Variants in EIF2D observed in about 807,000 individuals in gnomAD.
EIF2D encodes hepatocellular carcinoma-associated antigen 56.
In EIF2D, 56 loss-of-function variants were observed where a neutral mutation model predicts 77.4. The ratio of observed to expected loss-of-function variants is 0.72; its 90% CI spans 0.58 to 0.90. The LOEUF is 0.90. Among genes scored for constraint, EIF2D ranks in the 40% least tolerant of loss-of-function variants. EIF2D has a pLI of 0.00. For synonymous variants in EIF2D, 230 were observed against 271.0 expected, an observed-to-expected ratio of 0.85 and a Z score of 1.49; for missense variants, 574 against 706.5, an observed-to-expected ratio of 0.81 and a Z score of 2.13.
In EIF2D at chr1:206,583,429, G is replaced by A. The variant is rs369160290; in HGVS notation, c.139-2267C>T. ...TGGCCCCTGCTCCACCACCCGCTTCGGGTTTGGCGCCTCTGCCCTCACTCT... is the reference window on the plus strand; with the variant it reads ...TGGCCCCTGCTCCACCACCCGCTTCAGGTTTGGCGCCTCTGCCCTCACTCT... On this transcript the variant is annotated intron_variant and NMD_transcript_variant, in intron 2 of 5. Transcript: ENST00000472709. 2.8e-4 allele frequency: 360 copies of A among 1,294,942 alleles called. 1 individual carries two copies. Among genetic ancestry groups the A allele is most frequent in the Non-Finnish European group, 3.5e-4 (308 of 891,104 alleles). 80.2% of individuals were successfully genotyped at this position (1,294,942 alleles called of 1,614,324 possible). A position where few individuals can be genotyped will look rare whatever the true frequency, so the allele number is the denominator to read the frequency against.
chr1:206,611,674 C>G (rs1349176745), intron 1 of EIF2D, among the ~76,000 whole-genome samples: 1 of 152,250 alleles, frequency 6.6e-6, no homozygotes, highest in African/African-American at 2.4e-5. Flanking sequence ...GACTTCATGC[C>G]TAGCCCTTGG....
rs782361647 is a variant in EIF2D, at chr1:206,605,519, G to A, written c.423-12C>T. The A allele has an allele frequency of 6.2e-7, 1 of 1,609,688 alleles. No individual in the cohort carries two copies. The highest frequency in any genetic ancestry group is 8.5e-7 in the Non-Finnish European group (1 of 1,176,382). ...TGGCTACAGGGGCTCTAAGAAGAAG[G>A]AAGCCAGAGACCAGGGTCATGGAAA... On this transcript the variant is annotated splice_polypyrimidine_tract_variant and intron_variant, in intron 4 of 14. Coordinates refer to ENST00000271764, the MANE Select transcript of EIF2D (RefSeq NM_006893.3).
intron 14 of EIF2D, among the ~76,000 whole-genome samples, chr1:206,593,090 G>A (rs564113962): frequency 3.4e-5 from 5 of 147,322 alleles, no homozygotes; most frequent in Non-Finnish European, 7.4e-5. Context: ...CAGCCTGGGT[G>A]ACAGAGCGAG....
chr1:206,576,600 C>T (rs1668667277), intron 4 of EIF2D, among the ~76,000 whole-genome samples: 1 of 152,184 alleles, frequency 6.6e-6, no homozygotes, highest in South Asian at 2.1e-4. Flanking sequence ...ACTGTGATTA[C>T]CTTTCTCCAT....
At chr1:206,570,570 C>G (rs993660960), downstream of EIF2D, among the ~76,000 whole-genome samples, 10 of 114,732 alleles carry the variant, frequency 8.7e-5, no homozygotes, top group Non-Finnish European at 1.5e-4. Context: ...CCCCTCCCCC[C>G]ACCCCTGGCA....
At chr1:206,581,672 G>GGAAAGAAA (rs139599723) in intron 2 of EIF2D, among the ~76,000 whole-genome samples, 7,607 of 151,366 alleles carry the variant, frequency 0.05, 688 homozygotes, top group African/African-American at 0.18. Context: ...AAGGAAGGAA[G>GGAAAGAAA]GAAAGAAAGA....
chr1:206,602,743 A>G (rs6658181), intron 6 of EIF2D: 343,209 of 757,954 alleles, frequency 0.45, 78,804 homozygotes, highest in African/African-American at 0.55. Context: ...ATGCCAGGGC[A>G]GATTAGCTCC....
intron 4 of EIF2D, among the ~76,000 whole-genome samples, chr1:206,575,775 A>G (rs1167323819): frequency 1.3e-5 from 2 of 152,230 alleles, no homozygotes; most frequent in African/African-American, 4.8e-5. Flanking sequence ...TGAGAGGGGA[A>G]GTAGCTCCCC....
chr1:206,570,434 G>A (rs1245346315), downstream of EIF2D, among the ~76,000 whole-genome samples: 2 of 152,048 alleles, frequency 1.3e-5, no homozygotes, highest in Non-Finnish European at 2.9e-5. Flanking sequence ...GTGACGTTAA[G>A]TATAACCTCA....
At chr1:206,598,188 C>T (rs548424319) in intron 11 of EIF2D, among the ~76,000 whole-genome samples, 1 of 151,952 alleles carries the variant, frequency 6.6e-6, no homozygotes, top group Non-Finnish European at 1.5e-5. Flanking sequence ...CAGGCATGCC[C>T]TACCATGCCC....
chr1:206,609,816 T>C (rs1670384469), intron 2 of EIF2D, among the ~76,000 whole-genome samples: 1 of 152,202 alleles, frequency 6.6e-6, no homozygotes, highest in Non-Finnish European at 1.5e-5. Flanking sequence ...TTCCCATGTT[T>C]ATCATTTTTA....
chr1:206,602,763 G>A (rs950338091), intron 6 of EIF2D, 188 bp downstream of exon 6: 77 of 860,288 alleles, frequency 9.0e-5, no homozygotes, highest in African/African-American at 3.4e-5. Context: ...CCAGGAAGAC[G>A]TGACTTATGT....
chr1:206,595,050 A>G (rs1230653366), intron 13 of EIF2D: 1 of 152,188 alleles, frequency 6.6e-6, no homozygotes, highest in Non-Finnish European at 1.5e-5. Context: ...TCACAGAGTA[A>G]AACTCAGACA....
Position 206,591,839 on chromosome 1 carries a change from T to C in EIF2D, c.1691A>G (p.Tyr564Cys). 1 of 1,614,172 alleles carries C rather than the reference T, an allele frequency of 6.2e-7. No individual in the cohort carries two copies. The highest frequency in any genetic ancestry group is 2.2e-5 in the East Asian group (1 of 44,888). Residue 564 changes from tyrosine to cysteine, a missense_variant, in exon 15 of 15, where the codon TAT becomes TGT. Coordinates refer to ENST00000271764, the MANE Select transcript of EIF2D (RefSeq NM_006893.3). ...HHLGWLLLEEYQLPRKHIQGL... is the reference protein window; with the variant it reads ...HHLGWLLLEECQLPRKHIQGL... ...TTGGATGTGTTTTCGAGGGAGCTGA[T>C]ACTCTTCTACAATCCAAAAAGCACA...
In EIF2D at chr1:206,584,452, G is replaced by A. The variant is rs781912138; in HGVS notation, c.139-3290C>T. 2 of 1,614,186 alleles carry A rather than the reference G, an allele frequency of 1.2e-6. No individual in the cohort carries two copies. The highest frequency in any genetic ancestry group is 1.7e-5 in the Admixed American group (1 of 60,026). ...TGAAACTCCGGCGGCCTGTGACGGTGCCTGCTGGGATCCGGCCCCAGTCCA... is the reference window on the plus strand; with the variant it reads ...TGAAACTCCGGCGGCCTGTGACGGTACCTGCTGGGATCCGGCCCCAGTCCA... On this transcript the variant is annotated intron_variant and NMD_transcript_variant, in intron 2 of 5. Transcript: ENST00000472709. The surrounding 1 kb of genome is among the most constrained non-coding windows in gnomAD (Gnocchi z 4.9).
At chr1:206,593,823 G>A (rs782584425) in intron 13 of EIF2D, 30 bp from the exon 14 acceptor site, 45 of 1,570,894 alleles carry the variant, frequency 2.9e-5, no homozygotes, top group East Asian at 4.6e-5. Flanking sequence ...AGAGACTGAC[G>A]GTGGTGACTG....
chr1:206,611,499 G>A, intron 1 of EIF2D, 125 bp from the exon 2 acceptor site: 1 of 702,824 alleles, frequency 1.4e-6, no homozygotes, highest in South Asian at 2.0e-5. Flanking sequence ...GGTTTATGAT[G>A]TCCTAGTCTC....
At chr1:206,580,485 C>G (rs182293164) in intron 4 of EIF2D, among the ~76,000 whole-genome samples, 1 of 152,020 alleles carries the variant, frequency 6.6e-6, no homozygotes, top group Admixed American at 6.5e-5. Context: ...AAGCTCCCAG[C>G]GGGAAGGTAT....
At chr1:206,610,676 C>T (rs6540490) in intron 2 of EIF2D, among the ~76,000 whole-genome samples, 13,425 of 152,054 alleles carry the variant, frequency 0.088, 683 homozygotes, top group South Asian at 0.15. Flanking sequence ...AAAAAATTAG[C>T]AAGGTGTGGT....
Sources: gnomAD v4.1 joint callset for allele counts (sites outside exome capture counted in the v4.1 genomes callset) on GRCh38, gnomAD v4.1.1 for gene constraint, Gnocchi (gnomAD v3.1) non-coding constraint, MANE v1.5 for transcripts, NCBI Gene and HGNC (gene_info 2026-07-23, HGNC 2026-07-21) for gene names.